KLHL2: variants seen among roughly 807,000 people sequenced by gnomAD.
The protein encoded by KLHL2 is kelch like family member 2.
Under a neutral mutation model 75.8 loss-of-function variants are expected in KLHL2, and 15 were observed. That is an observed-to-expected ratio of 0.20 (90% CI 0.13 to 0.30). KLHL2 has a LOEUF of 0.30. KLHL2 is among the 10% of genes least tolerant of loss of function. The pLI is 1.00. For synonymous variants in KLHL2, 214 were observed against 251.9 expected (o/e 0.85, Z 1.42); for missense variants, 381 against 741.0 (o/e 0.51, Z 5.64).
At chr4:165,218,404 A>C (rs1223516660) in intron 1 of KLHL2, among the ~76,000 whole-genome samples, 1 of 152,134 alleles carries the variant, frequency 6.6e-6, no homozygotes, top group African/African-American at 2.4e-5. Context: ...TGCTGTAGTT[A>C]CTACTTCCAT....
intron 4 of KLHL2, among the ~76,000 whole-genome samples, chr4:165,258,465 A>G (rs1304072288): frequency 6.6e-6 from 1 of 151,458 alleles, no homozygotes; most frequent in African/African-American, 2.4e-5. Flanking sequence ...GGTTAACACT[A>G]GTGCAACTCT....
At chr4:165,296,878 A>T (rs1250703178) in intron 6 of KLHL2, among the ~76,000 whole-genome samples, 1 of 151,604 alleles carries the variant, frequency 6.6e-6, no homozygotes, top group Non-Finnish European at 1.5e-5. Flanking sequence ...TTTTTTTTTC[A>T]AACTTTGCAA....
At chr4:165,222,865 G>A (rs1280095701) in intron 2 of KLHL2, among the ~76,000 whole-genome samples, 2 of 152,196 alleles carry the variant, frequency 1.3e-5, no homozygotes, top group Non-Finnish European at 2.9e-5. Flanking sequence ...CCTCAAAGTG[G>A]TAGAGCAACA....
In KLHL2 at chr4:165,313,382, T is replaced by C. The variant is rs1746352675; in HGVS notation, c.1468+16T>C. 4 of 1,455,730 alleles carry C rather than the reference T, an allele frequency of 2.7e-6. No homozygotes were observed. Among genetic ancestry groups the C allele is most frequent in the Middle Eastern group, 1.8e-4 (1 of 5,488 alleles). The allele number at this position is 1,455,730 out of a possible 1,614,324, so 90.2% of individuals were successfully genotyped here. The stretch of plus-strand genomic sequence containing the variant: ...AGTGGAGCAGGTACATGTGAACCTG[T>C]TTTAGCAACTGAAGCACAAAAATGA... On this transcript the variant is annotated intron_variant, in intron 12 of 14. Transcript: ENST00000226725.
At chr4:165,294,522 TTA>T (rs1472029816) in intron 6 of KLHL2, 54 bp downstream of exon 6, 112 of 927,366 alleles carry the variant, frequency 1.2e-4, no homozygotes, top group African/African-American at 1.1e-3. Context: ...TTTTTTTTTT[TTA>T]ATTTCACTTT....
chr4:165,224,658 T>C (rs1332988306), intron 2 of KLHL2, among the ~76,000 whole-genome samples: 1 of 152,210 alleles, frequency 6.6e-6, no homozygotes, highest in East Asian at 1.9e-4. Flanking sequence ...GCTAAATTGT[T>C]ATTGTGGCTG....
intron 4 of KLHL2, among the ~76,000 whole-genome samples, chr4:165,258,865 C>G (rs1741419367): frequency 6.6e-6 from 1 of 152,158 alleles, no homozygotes; most frequent in African/African-American, 2.4e-5. Context: ...AATATTAAAT[C>G]TGATCTCCTA....
intron 5 of KLHL2, among the ~76,000 whole-genome samples, chr4:165,282,786 T>A (rs1256646707): frequency 2.0e-5 from 3 of 147,486 alleles, no homozygotes; most frequent in Admixed American, 6.7e-5. Context: ...AAAAAGATTT[T>A]AGAGCAACGT....
chr4:165,307,550 G>A (rs1745831430), intron 9 of KLHL2, among the ~76,000 whole-genome samples: 1 of 152,054 alleles, frequency 6.6e-6, no homozygotes, highest in Admixed American at 6.6e-5. Flanking sequence ...ATCCTGCTTT[G>A]CATTTAGTTG....
chr4:165,246,830 G>A (rs1024254261), intron 4 of KLHL2, among the ~76,000 whole-genome samples: 4 of 152,222 alleles, frequency 2.6e-5, no homozygotes, highest in African/African-American at 9.7e-5. Flanking sequence ...GGTCAGGTTA[G>A]GGAGGTAGAT....
At chr4:165,312,424 A>ATTT (rs386357612) in intron 11 of KLHL2, among the ~76,000 whole-genome samples, 1 of 127,158 alleles carries the variant, frequency 7.9e-6, no homozygotes, top group Non-Finnish European at 1.7e-5. Context: ...TATTATTATT[A>ATTT]TTATTTTTTT....
intron 9 of KLHL2, among the ~76,000 whole-genome samples, chr4:165,309,864 C>T (rs1215102641): frequency 1.3e-5 from 2 of 152,006 alleles, no homozygotes; most frequent in South Asian, 4.2e-4. Flanking sequence ...AAATTATAAG[C>T]GTATGGAGTT....
At chr4:165,264,711 T>TATATATATAA (rs1742041947) in intron 5 of KLHL2, among the ~76,000 whole-genome samples, 1 of 81,252 alleles carries the variant, frequency 1.2e-5, no homozygotes, top group Non-Finnish European at 2.3e-5. Flanking sequence ...TGTGTATATA[T>TATATATATAA]ATATATATAC....
chr4:165,279,511 T>C (rs2126406902), intron 5 of KLHL2: 1 of 1,567,570 alleles, frequency 6.4e-7, no homozygotes, highest in Non-Finnish European at 8.8e-7. Context: ...TTGGGAACTC[T>C]TGTTTTATTT....
chr4:165,245,604 A>C (rs1464212715), intron 4 of KLHL2, among the ~76,000 whole-genome samples: 1 of 152,092 alleles, frequency 6.6e-6, no homozygotes, highest in African/African-American at 2.4e-5. Flanking sequence ...GGCAAGCATG[A>C]GGGTACTTGG....
intron 2 of KLHL2, among the ~76,000 whole-genome samples, chr4:165,221,523 C>T (rs1435243571): frequency 6.6e-6 from 1 of 152,138 alleles, no homozygotes; most frequent in Non-Finnish European, 1.5e-5. Context: ...GGTGGAATCA[C>T]ACAGGAGAGG....
chr4:165,315,403 G>GT (rs944758053), intron 13 of KLHL2, among the ~76,000 whole-genome samples: 3 of 152,130 alleles, frequency 2.0e-5, no homozygotes, highest in African/African-American at 4.8e-5. Flanking sequence ...GGAAAAAGAC[G>GT]TAAGTCTCTG....
rs569017412 is a variant in KLHL2, at chr4:165,209,364, C to G, written c.26+1462C>G. ...AATATGTAACATGTAGGTATGCTAT[C>G]TGTAGTAAACCTGCCTTCTACATAA... On this transcript the variant is annotated intron_variant, in intron 1 of 14. Transcript: ENST00000226725. The G allele has an allele frequency of 6.6e-5, 10 of 152,270 alleles. No homozygotes were observed. The East Asian group carries it at 1.9e-3, about 29-fold the overall frequency. 9.4% of individuals were successfully genotyped at this position (152,270 alleles called of 1,614,324 possible).
intron 3 of KLHL2, among the ~76,000 whole-genome samples, chr4:165,238,054 G>A (rs1739497310): frequency 6.6e-6 from 1 of 152,110 alleles, no homozygotes. Flanking sequence ...AGGCAGTTTT[G>A]TAGAAGGATA....
Sources: allele counts gnomAD v4.1 joint callset (sites outside exome capture counted in the v4.1 genomes callset), GRCh38; gene constraint gnomAD v4.1.1; transcripts MANE v1.5; gene names NCBI Gene and HGNC (gene_info 2026-07-23, HGNC 2026-07-21).